Variants in LRP1B observed in about 807,000 individuals in gnomAD.
LRP1B encodes LDL receptor related protein 1B.
In LRP1B, 217 loss-of-function variants were observed where a neutral mutation model predicts 556.6. The observed-to-expected ratio is 0.39, with a 90% CI of 0.35 to 0.44. The LOEUF (loss-of-function observed/expected upper bound fraction) is 0.44, where lower values mean the gene tolerates loss of function less well. LRP1B is among the 20% of genes least tolerant of loss of function. LRP1B has a pLI of 1.00. For missense variants in LRP1B, 5,053 were observed against 5,620.8 expected (o/e 0.90, Z 3.23); for synonymous variants, 2,047 against 1,865.8 (o/e 1.10, Z -2.50).
intron 1 of LRP1B, among the ~76,000 whole-genome samples, chr2:142,054,858 A>C (rs1377701288): frequency 2.6e-5 from 4 of 152,134 alleles, no homozygotes; most frequent in Non-Finnish European, 4.4e-5. Flanking sequence ...AAAAAGTTAT[A>C]GTATGAATTT....
chr2:141,323,317 T>A (rs186893312), intron 3 of LRP1B, among the ~76,000 whole-genome samples: 1 of 152,194 alleles, frequency 6.6e-6, no homozygotes, highest in African/African-American at 2.4e-5. Flanking sequence ...AGTACAAATA[T>A]CCAATACAGC....
At chr2:140,860,931 G>A (rs1326193678) in intron 27 of LRP1B, among the ~76,000 whole-genome samples, 2 of 152,096 alleles carry the variant, frequency 1.3e-5, no homozygotes, top group Admixed American at 6.5e-5. Context: ...GGGTGGGGGA[G>A]GAGAGTTTGG....
At chr2:141,025,398 T>C (rs1698189707) in intron 11 of LRP1B, among the ~76,000 whole-genome samples, 1 of 152,122 alleles carries the variant, frequency 6.6e-6, no homozygotes, top group African/African-American at 2.4e-5. Context: ...GTTAATTGTA[T>C]GAGTCAATTT....
intron 41 of LRP1B, among the ~76,000 whole-genome samples, chr2:140,626,806 ATC>A (rs1683680430): frequency 6.6e-6 from 1 of 151,864 alleles, no homozygotes; most frequent in African/African-American, 2.4e-5. Context: ...ATATATAAAG[ATC>A]TCCCACAAGT....
rs756559851 is a variant in LRP1B, at chr2:142,130,716, A to T, written c.14T>A (p.Leu5His). 4 of 1,612,728 alleles carry T rather than the reference A, an allele frequency of 2.5e-6. No individual in the cohort carries two copies. The South Asian group carries it at 4.4e-5, about 18-fold the overall frequency. Reference protein sequence around the residue: MSEFLLALLTLSGLL... With the variant: MSEFHLALLTLSGLL... ...TCCCGAGAGAGTGAGTAAGGCGAGG[A>T]GAAACTCGGACATTGTGGTCGCCCG... The change falls in exon 1 of 91, where the codon CTC becomes CAC. Residue 5 changes from leucine to histidine, a missense_variant. Physicochemically the swap from Leu to His is moderately conservative, Grantham distance 99. Transcript: ENST00000389484.
intron 2 of LRP1B, among the ~76,000 whole-genome samples, chr2:141,661,020 G>A (rs1690199689): frequency 6.6e-6 from 1 of 152,138 alleles, no homozygotes; most frequent in African/African-American, 2.4e-5. Context: ...CCAGGTGCAG[G>A]AGGGAACCAG....
chr2:140,608,211 A>G (rs1446103481), intron 41 of LRP1B, among the ~76,000 whole-genome samples: 2 of 152,170 alleles, frequency 1.3e-5, no homozygotes, highest in Admixed American at 1.3e-4. Context: ...GTAAGCTGGC[A>G]GGCAATAAAT....
intron 59 of LRP1B, among the ~76,000 whole-genome samples, chr2:140,481,109 G>A (rs1688220291): frequency 6.6e-6 from 1 of 152,034 alleles, no homozygotes; most frequent in Non-Finnish European, 1.5e-5. Flanking sequence ...CATGTGTCCT[G>A]CCCGCCTAGG....
intron 1 of LRP1B, among the ~76,000 whole-genome samples, chr2:141,948,293 C>T (rs980196430): frequency 6.6e-6 from 1 of 150,932 alleles, no homozygotes; most frequent in Admixed American, 6.6e-5. Flanking sequence ...AGAAAGACTC[C>T]ATTTTAAAAT....
chr2:140,765,017 C>G (rs1230514822), intron 35 of LRP1B, among the ~76,000 whole-genome samples: 1 of 152,018 alleles, frequency 6.6e-6, no homozygotes, highest in Non-Finnish European at 1.5e-5. Context: ...TTAATAGAGA[C>G]AGGGTCTCAC....
intron 2 of LRP1B, among the ~76,000 whole-genome samples, chr2:141,521,676 T>C (rs1318889630): frequency 1.3e-5 from 2 of 152,028 alleles, no homozygotes; most frequent in East Asian, 3.9e-4. Flanking sequence ...TTACTATTTA[T>C]ATTGTGTCAA....
intron 1 of LRP1B, among the ~76,000 whole-genome samples, chr2:142,033,309 C>T (rs578103221): frequency 5.9e-5 from 9 of 151,636 alleles, no homozygotes; most frequent in Non-Finnish European, 1.0e-4. Context: ...TCCTGACTTT[C>T]CCATTCTAGA....
At chr2:141,533,726 C>T (rs139706087) in intron 2 of LRP1B, among the ~76,000 whole-genome samples, 262 of 152,206 alleles carry the variant, frequency 1.7e-3, no homozygotes, top group African/African-American at 6.0e-3. Context: ...TGTGGGCCAT[C>T]GTCCCTGTTT....
At chr2:141,871,944 C>G (rs1233160872) in intron 1 of LRP1B, among the ~76,000 whole-genome samples, 3 of 151,916 alleles carry the variant, frequency 2.0e-5, no homozygotes, top group Non-Finnish European at 4.4e-5. Flanking sequence ...AAAGAGTCAG[C>G]TTAAGTCCAT....
intron 3 of LRP1B, among the ~76,000 whole-genome samples, chr2:141,315,252 A>ATTTTTTTT (rs34839276): frequency 3.0e-4 from 23 of 77,190 alleles, no homozygotes; most frequent in East Asian, 4.4e-4. Flanking sequence ...AATGATTGTA[A>ATTTTTTTT]TTTTTTTTTT....
intron 29 of LRP1B, among the ~76,000 whole-genome samples, chr2:140,849,200 C>CAAAAAAAAAAAAAAAAAAAA (rs70988447): frequency 5.0e-5 from 5 of 100,546 alleles, no homozygotes; most frequent in Non-Finnish European, 7.7e-5. Context: ...ACTAAAAATA[C>CAAAAAAAAAAAAAAAAAAAA]AAAAAAAAAA....
chr2:142,022,899 T>C (rs1050029958), intron 1 of LRP1B, among the ~76,000 whole-genome samples: 1 of 152,082 alleles, frequency 6.6e-6, no homozygotes, highest in African/African-American at 2.4e-5. Context: ...ATGGTCTTAA[T>C]GTCCTTTCCT....
intron 7 of LRP1B, among the ~76,000 whole-genome samples, chr2:141,167,077 A>T (rs1276957495): frequency 1.3e-5 from 2 of 151,834 alleles, no homozygotes; most frequent in East Asian, 3.9e-4. Flanking sequence ...TTTATTTTCT[A>T]ACAGTTGATT....
rs115249173 is a variant in LRP1B at position 141,366,949 on chromosome 2, T to A, written c.344-112308A>T. On this transcript the variant is annotated intron_variant, in intron 3 of 90. Transcript: ENST00000389484. ...ACTTGAAATTACTCCATCTTGAAGA[T>A]GACACGGGAAGGGAAGAACTGATGA... 5.8e-3 allele frequency among the ~76,000 whole-genome samples: 883 copies of A among 152,336 alleles called. 5 individuals carry two copies. Among genetic ancestry groups the A allele is most frequent in the African/African-American group, 0.019 (801 of 41,576 alleles).
Sources: allele counts gnomAD v4.1 joint callset (sites outside exome capture counted in the v4.1 genomes callset), GRCh38; gene constraint gnomAD v4.1.1; transcripts MANE v1.5; gene names NCBI Gene and HGNC (gene_info 2026-07-23, HGNC 2026-07-21).